CTNNA3: variants seen among roughly 807,000 people sequenced by gnomAD.
CTNNA3 encodes catenin alpha 3.
CTNNA3 carries 76 observed loss-of-function variants against 95.7 expected under a neutral mutation model. The observed-to-expected ratio is 0.79, with a 90% CI of 0.66 to 0.96. The LOEUF (loss-of-function observed/expected upper bound fraction) is 0.96. CTNNA3 is among the 40% of genes least tolerant of loss of function. The probability of loss-of-function intolerance (pLI) is 0.00; values close to 1 mark genes in which losing one functional copy is unlikely to be tolerated. For synonymous variants in CTNNA3, 431 were observed against 374.4 expected (o/e 1.15, Z -1.74); for missense variants, 1,191 against 1,089.8 (o/e 1.09, Z -1.31).
chr10:66,089,530 C>T (rs934141004), intron 14 of CTNNA3, among the ~76,000 whole-genome samples: 5 of 151,564 alleles, frequency 3.3e-5, no homozygotes, highest in African/African-American at 4.8e-5. Flanking sequence ...TACTCTGGTT[C>T]GCCTTTACCT....
At chr10:66,806,756 A>ATGTGTGTGTGTG (rs57749652) in intron 7 of CTNNA3, among the ~76,000 whole-genome samples, 33 of 145,718 alleles carry the variant, frequency 2.3e-4, no homozygotes, top group African/African-American at 6.6e-4. Flanking sequence ...TGTGGCATAT[A>ATGTGTGTGTGTG]TGTGTGTGTG....
intron 5 of CTNNA3, among the ~76,000 whole-genome samples, chr10:67,409,774 T>A (rs1175241322): frequency 6.6e-6 from 1 of 151,984 alleles, no homozygotes; most frequent in South Asian, 2.1e-4. Flanking sequence ...AAATATTTTT[T>A]AAAAAGAAAT....
Position 67,717,250 on chromosome 10 carries a change from TCTC to T in CTNNA3, c.-2+46181_-2+46183del, listed in dbSNP as rs561324428. Among the ~76,000 whole-genome samples, 498 of 152,334 alleles carry T rather than the reference TCTC, an allele frequency of 3.3e-3. 2 individuals carry two copies. The highest frequency in any genetic ancestry group is 0.01 in the Middle Eastern group (3 of 294). ...TCAGATGGATAGATTGCAAAAATGTTCTCCTATTCTGTAGGTTGCCTCTTCCCT... is the reference window on the plus strand; with the variant it reads ...TCAGATGGATAGATTGCAAAAATGTTCTATTCTGTAGGTTGCCTCTTCCCT... On this transcript the variant is annotated intron_variant, in intron 1 of 17. Coordinates refer to the CTNNA3 transcript ENST00000684154.
At chr10:67,489,679 T>C (rs1419074171) in intron 5 of CTNNA3, among the ~76,000 whole-genome samples, 1 of 151,848 alleles carries the variant, frequency 6.6e-6, no homozygotes, top group Admixed American at 6.6e-5. Context: ...TTAGCAGGCA[T>C]TCACTGAGGC....
At chr10:67,102,729 C>T (rs1169754692) in intron 7 of CTNNA3, among the ~76,000 whole-genome samples, 1 of 151,748 alleles carries the variant, frequency 6.6e-6, no homozygotes, top group African/African-American at 2.4e-5. Flanking sequence ...TAAAATATTA[C>T]CTGCTAATTT....
chr10:67,521,538 C>T (rs1449853787), intron 5 of CTNNA3, among the ~76,000 whole-genome samples: 1 of 152,146 alleles, frequency 6.6e-6, no homozygotes, highest in Non-Finnish European at 1.5e-5. Flanking sequence ...TATAGAGACT[C>T]CCTTTATGCC....
intron 13 of CTNNA3, among the ~76,000 whole-genome samples, chr10:66,236,353 G>A (rs2089854639): frequency 6.6e-6 from 1 of 152,108 alleles, no homozygotes; most frequent in East Asian, 1.9e-4. Context: ...TCTCAGGAAA[G>A]CTACACTTGA....
At chr10:66,206,503 A>C (rs1455421275) in intron 13 of CTNNA3, among the ~76,000 whole-genome samples, 1 of 151,920 alleles carries the variant, frequency 6.6e-6, no homozygotes, top group African/African-American at 2.4e-5. Flanking sequence ...TATCCTCTAG[A>C]AAACTGTTTA....
At chr10:66,653,884 G>A (rs113022432) in intron 9 of CTNNA3, among the ~76,000 whole-genome samples, 1 of 151,964 alleles carries the variant, frequency 6.6e-6, no homozygotes, top group Non-Finnish European at 1.5e-5. Flanking sequence ...ATTTTGTTGG[G>A]GAAAATGGAT....
At chr10:66,317,868 G>A (rs4508089) in intron 12 of CTNNA3, among the ~76,000 whole-genome samples, 146,791 of 152,062 alleles carry the variant, frequency 0.97, 71,063 homozygotes, top group East Asian at 1. Flanking sequence ...AATGATTTTC[G>A]TTAACTAAAT....
At chr10:65,949,944 C>T (rs2077581746) in intron 17 of CTNNA3, among the ~76,000 whole-genome samples, 1 of 152,108 alleles carries the variant, frequency 6.6e-6, no homozygotes. Flanking sequence ...TGTTGTTAAA[C>T]ACTCTACAAT....
intron 7 of CTNNA3, among the ~76,000 whole-genome samples, chr10:67,007,768 TA>T (rs530563846): frequency 7.1e-4 from 108 of 151,154 alleles, no homozygotes; most frequent in Middle Eastern, 3.4e-3. Context: ...ATAGTATTTT[TA>T]AAAAAAAAGT....
At chr10:67,168,282 A>G (rs1319946805) in intron 7 of CTNNA3, among the ~76,000 whole-genome samples, 1 of 152,226 alleles carries the variant, frequency 6.6e-6, no homozygotes, top group Non-Finnish European at 1.5e-5. Context: ...AACTCATTCT[A>G]CAAGGCCAGC....
intron 9 of CTNNA3, among the ~76,000 whole-genome samples, chr10:66,651,406 T>C (rs1034988850): frequency 6.6e-6 from 1 of 152,178 alleles, no homozygotes; most frequent in African/African-American, 2.4e-5. Flanking sequence ...CTTCCTCTAG[T>C]GGATCACGTG....
intron 7 of CTNNA3, among the ~76,000 whole-genome samples, chr10:67,126,760 A>G (rs1859740091): frequency 6.6e-6 from 1 of 152,194 alleles, no homozygotes; most frequent in South Asian, 2.1e-4. Context: ...GGGTGAATTC[A>G]TCTTTGTCCA....
chr10:66,814,597 A>G (rs2132272991), intron 7 of CTNNA3, among the ~76,000 whole-genome samples: 1 of 152,194 alleles, frequency 6.6e-6, no homozygotes, highest in Admixed American at 6.5e-5. Context: ...CCTTGTCTCT[A>G]CTAAAAATAC....
At chr10:67,683,057 G>A (rs577765464) in intron 1 of CTNNA3, among the ~76,000 whole-genome samples, 1 of 152,290 alleles carries the variant, frequency 6.6e-6, no homozygotes, top group African/African-American at 2.4e-5. Context: ...AGCAAGCAGA[G>A]GAGAATACAT....
intron 12 of CTNNA3, among the ~76,000 whole-genome samples, chr10:66,293,617 T>C (rs1466140040): frequency 6.6e-6 from 1 of 152,036 alleles, no homozygotes; most frequent in African/African-American, 2.4e-5. Context: ...TACAATGTAA[T>C]TCATTACTTT....
At chr10:65,980,565 C>T (rs1446275299) in intron 16 of CTNNA3, among the ~76,000 whole-genome samples, 1 of 151,154 alleles carries the variant, frequency 6.6e-6, no homozygotes, top group Admixed American at 6.6e-5. Flanking sequence ...ACAAATATCC[C>T]TAATGAAAAT....
Sources: gnomAD v4.1 joint callset for allele counts (sites outside exome capture counted in the v4.1 genomes callset) on GRCh38, gnomAD v4.1.1 for gene constraint, MANE v1.5 for transcripts, NCBI Gene and HGNC (gene_info 2026-07-23, HGNC 2026-07-21) for gene names.